Variants in STAU1 observed in about 807,000 individuals in gnomAD.
STAU1 encodes staufen double-stranded RNA binding protein 1, also known as double-stranded RNA-binding protein Staufen homolog 1.
Under a neutral mutation model 62.9 loss-of-function variants are expected in STAU1, and 13 were observed. The observed-to-expected ratio is 0.21, with a 90% CI of 0.13 to 0.33. The LOEUF (loss-of-function observed/expected upper bound fraction) is 0.33, where lower values mean the gene tolerates loss of function less well. STAU1 is among the 10% of genes least tolerant of loss of function. The probability of loss-of-function intolerance (pLI) is 1.00; values close to 1 mark genes in which losing one functional copy is unlikely to be tolerated. For synonymous variants in STAU1, 269 were observed against 265.1 expected, an observed-to-expected ratio of 1.01 and a Z score of -0.14; for missense variants, 571 against 712.1, an observed-to-expected ratio of 0.80 and a Z score of 2.25.
At chr20:49,175,478 GT>G (rs1333471702) in intron 1 of STAU1, among the ~76,000 whole-genome samples, 1 of 152,018 alleles carries the variant, frequency 6.6e-6, no homozygotes, top group African/African-American at 2.4e-5. Context: ...TTTAGGCTTT[GT>G]TTGTTCAGGT....
At chr20:49,178,418 A>C (rs902410179) in intron 1 of STAU1, among the ~76,000 whole-genome samples, 2 of 151,354 alleles carry the variant, frequency 1.3e-5, no homozygotes, top group East Asian at 3.9e-4. Flanking sequence ...GTTTGAGGCT[A>C]GGCTGGCCAA....
chr20:49,139,068 T>C (rs1240310776), intron 5 of STAU1, among the ~76,000 whole-genome samples: 6 of 152,044 alleles, frequency 3.9e-5, no homozygotes, highest in African/African-American at 9.7e-5. Context: ...GGCAGGACCC[T>C]TACCCCACAC....
At chr20:49,163,608 T>C (rs2093483151) in intron 3 of STAU1, among the ~76,000 whole-genome samples, 1 of 151,864 alleles carries the variant, frequency 6.6e-6, no homozygotes, top group Non-Finnish European at 1.5e-5. Context: ...GTATTTTTAA[T>C]AGAGACAGGG....
chr20:49,191,644 G>A (rs1024521894), upstream of STAU1, among the ~76,000 whole-genome samples: 1 of 152,200 alleles, frequency 6.6e-6, no homozygotes, highest in Non-Finnish European at 1.5e-5. Context: ...TAGCACAGGA[G>A]AACAAGGTTG....
intron 6 of STAU1, among the ~76,000 whole-genome samples, chr20:49,128,753 C>A (rs1292225296): frequency 1.9e-5 from 2 of 104,914 alleles, no homozygotes; most frequent in African/African-American, 4.0e-5. Context: ...ACAGTGCAGG[C>A]ACAATTAGAC....
chr20:49,118,937 C>A (rs944024043), intron 9 of STAU1, among the ~76,000 whole-genome samples: 39 of 152,162 alleles, frequency 2.6e-4, no homozygotes, highest in African/African-American at 8.4e-4. Flanking sequence ...GAATGTCCTA[C>A]AAGATTCTGA....
At chr20:49,197,410 T>C in the STAU1 span, among the ~76,000 whole-genome samples, 1 of 150,468 alleles carries the variant, frequency 6.6e-6, no homozygotes, top group East Asian at 1.9e-4. Flanking sequence ...TCTTTTCTTT[T>C]TTTTTTTTTG....
At chr20:49,171,098 C>T (rs2093591052) in intron 2 of STAU1, among the ~76,000 whole-genome samples, 1 of 152,238 alleles carries the variant, frequency 6.6e-6, no homozygotes, top group Non-Finnish European at 1.5e-5. Context: ...CTCAAAGACA[C>T]AAGACGACAT....
chr20:49,198,177 C>A, the STAU1 span, among the ~76,000 whole-genome samples: 1 of 152,158 alleles, frequency 6.6e-6, no homozygotes, highest in African/African-American at 2.4e-5. Flanking sequence ...CATATACATA[C>A]ACATGGGATA....
At chr20:49,186,077 G>A (rs1045421669) in intron 1 of STAU1, among the ~76,000 whole-genome samples, 8 of 152,068 alleles carry the variant, frequency 5.3e-5, no homozygotes, top group African/African-American at 1.9e-4. Context: ...TGGGATTACA[G>A]GCGTGAGCCA....
At chr20:49,134,457 G>A (rs1957357919) in intron 6 of STAU1, 2 of 633,342 alleles carry the variant, frequency 3.2e-6, no homozygotes, top group Admixed American at 2.3e-5. Flanking sequence ...AAAGCTCTGG[G>A]TTGAAACCCG....
At chr20:49,204,685 G>A in the STAU1 span, among the ~76,000 whole-genome samples, 7 of 116,690 alleles carry the variant, frequency 6.0e-5, no homozygotes, top group Non-Finnish European at 9.8e-5. Flanking sequence ...GATGGAGTCT[G>A]TCACCCAGGC....
chr20:49,118,239 C>CGG, intron 10 of STAU1, 94 bp downstream of exon 10: 1 of 1,381,016 alleles, frequency 7.2e-7, no homozygotes. Flanking sequence ...ACTTTGCATG[C>CGG]GGGACCTCAC....
chr20:49,182,015 T>C lies in STAU1; in HGVS notation c.-160+6101A>G, dbSNP rs554899032. ...CAAATTAGATTCCAGATTAAACAGATGCCAGATGGGTTACAGATTTGATAT... is the reference window on the plus strand; with the variant it reads ...CAAATTAGATTCCAGATTAAACAGACGCCAGATGGGTTACAGATTTGATAT... On this transcript the variant is annotated intron_variant, in intron 1 of 13. Transcript: ENST00000371856. Among the ~76,000 whole-genome samples, 292 of 152,288 alleles carry C rather than the reference T, an allele frequency of 1.9e-3. 4 individuals carry two copies. Among genetic ancestry groups the C allele is most frequent in the Middle Eastern group, 6.8e-3 (2 of 294 alleles).
chr20:49,160,255 G>GT (rs535262381), intron 3 of STAU1, among the ~76,000 whole-genome samples: 1 of 152,328 alleles, frequency 6.6e-6, no homozygotes, highest in Admixed American at 6.5e-5. Flanking sequence ...TTATGCTACG[G>GT]TGACTATTCA....
At chr20:49,199,517 C>T in the STAU1 span, among the ~76,000 whole-genome samples, 1 of 151,846 alleles carries the variant, frequency 6.6e-6, no homozygotes, top group Non-Finnish European at 1.5e-5. Context: ...GCCTGAGCCA[C>T]CGCGCCCGGC....
At chr20:49,204,618 A>C in the STAU1 span, among the ~76,000 whole-genome samples, 1 of 45,538 alleles carries the variant, frequency 2.2e-5, no homozygotes, top group Non-Finnish European at 4.2e-5. Flanking sequence ...ATATATATAT[A>C]TATATGTGTA....
intron 5 of STAU1, among the ~76,000 whole-genome samples, chr20:49,145,215 G>A (rs1906000137): frequency 6.6e-6 from 1 of 151,736 alleles, no homozygotes; most frequent in Non-Finnish European, 1.5e-5. Context: ...CACGAGGTCA[G>A]GAGTTCGAGA....
At position 49,123,329 on chromosome 20, in the gene STAU1, T is replaced by C. The variant is rs73909794; in HGVS notation, c.823-94A>G. The C allele has an allele frequency of 1.1e-3, 1,761 of 1,564,252 alleles. 17 individuals carry two copies. In the African/African-American group the frequency reaches 0.021, roughly 19 times the overall value. On this transcript the variant is annotated intron_variant, in intron 7 of 13. Transcript: ENST00000371856. Reference sequence around the variant, plus strand: ...AGGATATGAGAGGAGATAAGAGATTTTGGGTTGACCTAATGGCTCAGAATT... The same window carrying C: ...AGGATATGAGAGGAGATAAGAGATTCTGGGTTGACCTAATGGCTCAGAATT...
Sources: gnomAD v4.1 joint callset for allele counts (sites outside exome capture counted in the v4.1 genomes callset) on GRCh38, gnomAD v4.1.1 for gene constraint, MANE v1.5 for transcripts, NCBI Gene and HGNC (gene_info 2026-07-23, HGNC 2026-07-21) for gene names.